The following TPX2 variants were observed in gnomAD, a reference collection of about 807,000 sequenced individuals.
TPX2 encodes the protein targeting protein for Xklp2.
TPX2 carries 21 observed loss-of-function variants against 93.6 expected under a neutral mutation model. The observed-to-expected ratio is 0.22, with a 90% CI of 0.16 to 0.32. TPX2 has a LOEUF of 0.32. Among genes scored for constraint, TPX2 ranks in the 10% least tolerant of loss-of-function variants. TPX2 has a pLI of 1.00. For synonymous variants in TPX2, 281 were observed against 298.3 expected (o/e 0.94, Z 0.60); for missense variants, 776 against 871.1 (o/e 0.89, Z 1.37).
intron 12 of TPX2, among the ~76,000 whole-genome samples, chr20:31,791,011 A>G (rs1002403810): frequency 6.6e-6 from 1 of 152,160 alleles, no homozygotes; most frequent in Non-Finnish European, 1.5e-5. Context: ...GGGTGCTTTC[A>G]AGCAGCCGGG....
At chr20:31,746,852 C>G (rs1363288682) in intron 2 of TPX2, among the ~76,000 whole-genome samples, 1 of 152,196 alleles carries the variant, frequency 6.6e-6, no homozygotes, top group South Asian at 2.1e-4. Flanking sequence ...CTGCAATCTT[C>G]CTAATTTGTA....
At chr20:31,762,547 G>A (rs1323370566) in intron 4 of TPX2, among the ~76,000 whole-genome samples, 2 of 151,798 alleles carry the variant, frequency 1.3e-5, no homozygotes, top group Non-Finnish European at 2.9e-5. Flanking sequence ...ATGGGGTTTC[G>A]TGATGTCGGT....
At chr20:31,787,290 T>A (rs867851960) in intron 12 of TPX2, among the ~76,000 whole-genome samples, 1 of 150,406 alleles carries the variant, frequency 6.6e-6, no homozygotes, top group Non-Finnish European at 1.5e-5. Context: ...ATGCTTACTG[T>A]TATCATATTT....
chr20:31,781,426 C>A (rs948915517), intron 10 of TPX2, among the ~76,000 whole-genome samples: 1 of 151,472 alleles, frequency 6.6e-6, no homozygotes, highest in South Asian at 2.1e-4. Context: ...CCACCACGCC[C>A]GGTTAATTTT....
At chr20:31,764,789 C>T (rs1157399203) in intron 4 of TPX2, among the ~76,000 whole-genome samples, 3 of 152,168 alleles carry the variant, frequency 2.0e-5, no homozygotes, top group African/African-American at 7.2e-5. Context: ...TGATTGTTCT[C>T]TGAAATGAAT....
At chr20:31,770,046 T>G (rs892256587) in intron 5 of TPX2, among the ~76,000 whole-genome samples, 1 of 152,166 alleles carries the variant, frequency 6.6e-6, no homozygotes, top group African/African-American at 2.4e-5. Flanking sequence ...GCAGTCCTCC[T>G]GCCGCAGCTT....
chr20:31,747,605 T>A (rs543573038), intron 2 of TPX2, among the ~76,000 whole-genome samples: 3 of 152,190 alleles, frequency 2.0e-5, no homozygotes, highest in African/African-American at 7.2e-5. Context: ...TTTCCTTGGG[T>A]CTTTGTAGGA....
chr20:31,778,731 C>G, intron 9 of TPX2, 82 bp from the exon 10 acceptor site: 1 of 1,331,930 alleles, frequency 7.5e-7, no homozygotes. Context: ...TTTTATTGAT[C>G]CTCTGTGCCG....
chr20:31,791,537 G>A, intron 12 of TPX2, among the ~76,000 whole-genome samples: 1 of 152,206 alleles, frequency 6.6e-6, no homozygotes, highest in East Asian at 1.9e-4. Context: ...ACCCACCTCT[G>A]CCTCCCAAAG....
intron 3 of TPX2, among the ~76,000 whole-genome samples, chr20:31,758,786 T>G (rs1021751531): frequency 6.6e-6 from 1 of 152,108 alleles, no homozygotes; most frequent in African/African-American, 2.4e-5. Flanking sequence ...GGTAAATAAA[T>G]ACAAGGGCCA....
chr20:31,755,941 C>T (rs912136363), intron 2 of TPX2, among the ~76,000 whole-genome samples: 12 of 152,166 alleles, frequency 7.9e-5, no homozygotes, highest in African/African-American at 2.7e-4. Context: ...AAACTTCGTA[C>T]GCAGGAGTAG....
At chr20:31,751,821 C>A (rs1247935610) in intron 2 of TPX2, among the ~76,000 whole-genome samples, 1 of 152,214 alleles carries the variant, frequency 6.6e-6, no homozygotes, top group Non-Finnish European at 1.5e-5. Flanking sequence ...CAGCTCACTG[C>A]AACCTTCGCC....
intron 2 of TPX2, among the ~76,000 whole-genome samples, chr20:31,757,018 G>C (rs943887063): frequency 4.0e-5 from 6 of 151,738 alleles, no homozygotes; most frequent in African/African-American, 1.5e-4. Context: ...TTAGAGATAG[G>C]GTCAACTACT....
chr20:31,785,501 TG>T (rs1485582063), intron 12 of TPX2, among the ~76,000 whole-genome samples: 2 of 151,856 alleles, frequency 1.3e-5, no homozygotes, highest in African/African-American at 2.4e-5. Flanking sequence ...TTTTTTGTTT[TG>T]TTTTTTTTTT....
intron 12 of TPX2, among the ~76,000 whole-genome samples, chr20:31,784,158 T>C (rs2062051176): frequency 6.6e-6 from 1 of 152,198 alleles, no homozygotes; most frequent in Admixed American, 6.5e-5. Context: ...AGATGACAGT[T>C]AAAATAGGAA....
At chr20:31,770,707 A>AC (rs2061960016) in intron 6 of TPX2, among the ~76,000 whole-genome samples, 1 of 152,252 alleles carries the variant, frequency 6.6e-6, no homozygotes, top group Admixed American at 6.5e-5. Context: ...CATAGGTTTT[A>AC]CCTCTTTTTG....
chr20:31,795,811 T>C (rs1183052957), intron 15 of TPX2, among the ~76,000 whole-genome samples: 1 of 152,272 alleles, frequency 6.6e-6, no homozygotes, highest in Non-Finnish European at 1.5e-5. Flanking sequence ...TTTGCTGATT[T>C]AATTGGGATC....
chr20:31,766,794 ACT>A, intron 5 of TPX2, 112 bp downstream of exon 5: 7 of 795,786 alleles, frequency 8.8e-6, no homozygotes, highest in South Asian at 5.2e-5. Flanking sequence ...CCTTTATGTT[ACT>A]TTTTTTTTTT....
intron 2 of TPX2, among the ~76,000 whole-genome samples, chr20:31,749,625 G>A (rs1213850084): frequency 6.6e-6 from 1 of 151,490 alleles, no homozygotes; most frequent in Non-Finnish European, 1.5e-5. Flanking sequence ...GTGAAACCCC[G>A]TCTACTAAAA....
Sources: gnomAD v4.1 joint callset for allele counts (sites outside exome capture counted in the v4.1 genomes callset) on GRCh38, gnomAD v4.1.1 for gene constraint, MANE v1.5 for transcripts, NCBI Gene and HGNC (gene_info 2026-07-23, HGNC 2026-07-21) for gene names.